C10orf105: variants seen among roughly 807,000 people sequenced by gnomAD.
C10orf105 encodes the protein uncharacterized protein C10orf105.
In C10orf105, 2 loss-of-function variants were observed where a neutral mutation model predicts 0.6. The observed-to-expected ratio is 3.18, with a 90% CI of 1.30 to 10.01. The LOEUF (loss-of-function observed/expected upper bound fraction) is 10.01, where lower values mean the gene tolerates loss of function less well. Ranked by LOEUF, C10orf105 falls within the 30% of genes most tolerant of loss-of-function variation. The pLI is 0.04. For synonymous variants in C10orf105, 95 were observed against 82.4 expected, an observed-to-expected ratio of 1.15 and a Z score of -0.83; for missense variants, 209 against 191.4, an observed-to-expected ratio of 1.09 and a Z score of -0.54.
Position 71,713,736 on chromosome 10 carries a change from G to T in C10orf105, c.*2200C>A, listed in dbSNP as rs1342943710. On this transcript the variant is annotated 3_prime_UTR_variant, in exon 2 of 2. Transcript: ENST00000441508. ...CCTGGTGCCTGAAACCCAATTGAGA[G>T]CCCTCCCCCTCCTGGACTTTTCCTT... is the stretch of plus-strand genomic sequence containing the variant. The T allele has an allele frequency of 6.0e-6, 1 of 168,012 alleles. No homozygotes were observed. The highest frequency in any genetic ancestry group is 2.4e-5 in the African/African-American group (1 of 41,518). The allele number at this position is 168,012 out of a possible 1,614,324, so 10.4% of individuals were successfully genotyped here.
chr10:71,711,773 T>C lies in C10orf105; in HGVS notation c.*4163A>G, dbSNP rs1422104320. The C allele has an allele frequency of 6.6e-6, 1 of 152,168 alleles. No homozygotes were observed. Among genetic ancestry groups the C allele is most frequent in the African/African-American group, 2.4e-5 (1 of 41,436 alleles). The allele number at this position is 152,168 out of a possible 1,614,324, so 9.4% of individuals were successfully genotyped here. On this transcript the variant is annotated 3_prime_UTR_variant, in exon 2 of 2. Transcript: ENST00000441508. Reference sequence around the variant, plus strand: ...ATTTCTCATGAGAAATCAGAAGATCTGGTGTCTCTGGGCCCACATTCTGCC... The same window carrying C: ...ATTTCTCATGAGAAATCAGAAGATCCGGTGTCTCTGGGCCCACATTCTGCC...
intron 1 of C10orf105, 120 bp from the exon 2 acceptor site, chr10:71,716,462 T>A (rs1032672417): frequency 5.4e-6 from 4 of 739,894 alleles, no homozygotes; most frequent in Non-Finnish European, 6.5e-6. Flanking sequence ...CTGGACAGCA[T>A]CATGGCCACA....
chr10:71,726,255 A>T (rs930567344), intron 1 of C10orf105, among the ~76,000 whole-genome samples: 1 of 152,052 alleles, frequency 6.6e-6, no homozygotes, highest in Non-Finnish European at 1.5e-5. Flanking sequence ...CAGACCCCAG[A>T]CATCAGGAGT....
Position 71,713,600 on chromosome 10 carries a change from A to G in C10orf105, c.*2336T>C. 1 of 382,902 alleles carries G rather than the reference A, an allele frequency of 2.6e-6. No homozygotes were observed. 23.7% of individuals were successfully genotyped at this position (382,902 alleles called of 1,614,324 possible). On this transcript the variant is annotated 3_prime_UTR_variant, in exon 2 of 2. Coordinates refer to ENST00000441508, the MANE Select transcript of C10orf105 (RefSeq NM_001164375.3). ...TGACTCCCAGAAACACAGAGAGCCC[A>G]GAAAGCCCTGAGGATTTGCGAGAGT...
chr10:71,730,551 C>A, intron 1 of C10orf105: 1 of 1,613,974 alleles, frequency 6.2e-7, no homozygotes, highest in Non-Finnish European at 8.5e-7. Flanking sequence ...CTTCGAGAGA[C>A]CGCAGGCATT....
rs114676717 is a variant in C10orf105, at chr10:71,713,666, C to T, written c.*2270G>A. On this transcript the variant is annotated 3_prime_UTR_variant, in exon 2 of 2. Coordinates refer to ENST00000441508, the MANE Select transcript of C10orf105 (RefSeq NM_001164375.3). ...AGAAGGAGGAAGTAGAGGGTTCTCT[C>T]GATCAGGGCCTCAGCTTGTGAGGAC... is the stretch of plus-strand genomic sequence containing the variant. The T allele has an allele frequency of 5.3e-3, 1,266 of 237,482 alleles. 15 individuals carry two copies. The highest frequency in any genetic ancestry group is 0.026 in the African/African-American group (1,136 of 43,496). 14.7% of individuals were successfully genotyped at this position (237,482 alleles called of 1,614,324 possible).
At position 71,712,889 on chromosome 10, in the gene C10orf105, C is replaced by G; in HGVS notation, c.*3047G>C. 6.5e-7 allele frequency: 1 copy of G among 1,526,772 alleles called. No homozygotes were observed. Among genetic ancestry groups the G allele is most frequent in the South Asian group, 1.2e-5 (1 of 85,292 alleles). 94.6% of individuals were successfully genotyped at this position (1,526,772 alleles called of 1,614,324 possible). ...CCACACACGGCCCTGAGGGCACATG[C>G]TCAGTGGCACCAGAGGCGGAAGCAG... On this transcript the variant is annotated 3_prime_UTR_variant, in exon 2 of 2. Transcript: ENST00000441508.
upstream of C10orf105, chr10:71,724,023 C>G: frequency 6.4e-7 from 1 of 1,553,962 alleles, no homozygotes; most frequent in Non-Finnish European, 8.7e-7. Flanking sequence ...CAAGAAGTAA[C>G]TCGTGTCTCA....
upstream of C10orf105, chr10:71,724,162 C>A: frequency 6.5e-7 from 1 of 1,527,224 alleles, no homozygotes; most frequent in Non-Finnish European, 8.9e-7. Flanking sequence ...GAGGGCAGAG[C>A]TTCTCTAGGC....
chr10:71,727,473 G>T (rs548261775), intron 1 of C10orf105, among the ~76,000 whole-genome samples: 13 of 152,350 alleles, frequency 8.5e-5, no homozygotes, highest in African/African-American at 2.9e-4. Context: ...CCTTCCTGAA[G>T]GCAATGTGGG....
Position 71,725,392 on chromosome 10 carries a change from C to T in C10orf105, c.-5-9050G>A, listed in dbSNP as rs757628798. The T allele has an allele frequency of 2.1e-5, 34 of 1,613,886 alleles. No individual in the cohort carries two copies. The highest frequency in any genetic ancestry group is 4.0e-5 in the African/African-American group (3 of 74,910). ...CACAGGTAACCATGGCAACAACTTC[C>T]GGATCCATGTCAGCAATGGGCTCCT... On this transcript the variant is annotated intron_variant, in intron 1 of 1. Transcript: ENST00000398786.
At chr10:71,723,584 A>T (rs1000319008), upstream of C10orf105, among the ~76,000 whole-genome samples, 2 of 152,184 alleles carry the variant, frequency 1.3e-5, no homozygotes, top group Admixed American at 1.3e-4. Flanking sequence ...TACAGTGTAC[A>T]GTGCCGGCTG....
intron 1 of C10orf105, among the ~76,000 whole-genome samples, chr10:71,727,030 A>G (rs1166127914): frequency 6.6e-6 from 1 of 152,226 alleles, no homozygotes; most frequent in African/African-American, 2.4e-5. Context: ...CTGCTCAGCT[A>G]CTTACGTCCT....
intron 1 of C10orf105, among the ~76,000 whole-genome samples, chr10:71,735,495 G>A (rs1487709102): frequency 6.6e-6 from 1 of 152,136 alleles, no homozygotes. Context: ...GCATCCTGTG[G>A]TGATCCCAGG....
exon 1 of C10orf105, chr10:71,737,785 G>A (rs1384409633): frequency 4.3e-6 from 2 of 468,408 alleles, no homozygotes; most frequent in Non-Finnish European, 4.4e-6. Context: ...CTCACCCGCG[G>A]CAGGCCTTCA....
intron 1 of C10orf105, among the ~76,000 whole-genome samples, chr10:71,727,890 T>C (rs1300123144): frequency 1.3e-5 from 2 of 152,156 alleles, no homozygotes; most frequent in African/African-American, 4.8e-5. Flanking sequence ...CATCTGTGCC[T>C]CTCAGGTTTG....
At chr10:71,716,605 A>G (rs781314087) in intron 1 of C10orf105, 1 of 391,146 alleles carries the variant, frequency 2.6e-6, no homozygotes, top group Non-Finnish European at 4.6e-6. Context: ...TGCAGACAAG[A>G]GGGCGGTGGC....
At chr10:71,721,690 G>A (rs1469262396), upstream of C10orf105, among the ~76,000 whole-genome samples, 1 of 152,202 alleles carries the variant, frequency 6.6e-6, no homozygotes, top group African/African-American at 2.4e-5. Flanking sequence ...GCCCGGATGT[G>A]CATCGAGGCC....
chr10:71,734,376 G>T (rs371625996), intron 1 of C10orf105: 2 of 1,571,294 alleles, frequency 1.3e-6, no homozygotes, highest in African/African-American at 2.7e-5. Context: ...CCTCAGGTGC[G>T]GCCCATCGCT....
Sources: gnomAD v4.1 joint callset for allele counts (sites outside exome capture counted in the v4.1 genomes callset) on GRCh38, gnomAD v4.1.1 for gene constraint, MANE v1.5 for transcripts, NCBI Gene and HGNC (gene_info 2026-07-23, HGNC 2026-07-21) for gene names.